Variants in UTP6 observed in about 807,000 individuals in gnomAD.
The protein encoded by UTP6 is U3 small nucleolar RNA-associated protein 6 homolog.
UTP6 carries 60 observed loss-of-function variants against 96.5 expected under a neutral mutation model. That is an observed-to-expected ratio of 0.62 (90% CI 0.51 to 0.77). The LOEUF is 0.77. Among genes scored for constraint, UTP6 ranks in the 30% least tolerant of loss-of-function variants. The pLI is 0.00. For missense variants in UTP6, 637 were observed against 706.5 expected (o/e 0.90, Z 1.12); for synonymous variants, 215 against 240.1 (o/e 0.90, Z 0.96).
At chr17:31,896,158 A>C (rs1483464222) in intron 2 of UTP6, among the ~76,000 whole-genome samples, 1 of 151,546 alleles carries the variant, frequency 6.6e-6, no homozygotes, top group African/African-American at 2.4e-5. Context: ...GCTCACTGCA[A>C]CCTCCGCCTC....
chr17:31,883,998 A>T (rs926846903), intron 10 of UTP6, among the ~76,000 whole-genome samples: 8 of 101,608 alleles, frequency 7.9e-5, no homozygotes, highest in Non-Finnish European at 5.6e-5. Flanking sequence ...GTAATATGAT[A>T]TTAATTTTTT....
intron 4 of UTP6, among the ~76,000 whole-genome samples, chr17:31,893,430 CAAAA>C (rs1295621293): frequency 2.0e-5 from 1 of 50,608 alleles, no homozygotes; most frequent in East Asian, 6.1e-4. Flanking sequence ...GACTCCACCT[CAAAA>C]AAAAAAAAAA....
chr17:31,875,497 G>A, intron 13 of UTP6, 84 bp from the exon 14 acceptor site: 2 of 1,466,136 alleles, frequency 1.4e-6, no homozygotes, highest in South Asian at 1.3e-5. Context: ...CTCATTTGAG[G>A]CAAGAATTTC....
intron 11 of UTP6, among the ~76,000 whole-genome samples, chr17:31,879,663 T>C (rs911062834): frequency 1.3e-5 from 2 of 150,872 alleles, no homozygotes; most frequent in Non-Finnish European, 3.0e-5. Flanking sequence ...CACAGCAGGA[T>C]CCTGTCTCAA....
chr17:31,884,783 A>T, intron 9 of UTP6: 1 of 305,522 alleles, frequency 3.3e-6, no homozygotes, highest in Non-Finnish European at 6.1e-6. Flanking sequence ...GATTGGTGCA[A>T]TGGCTCACAC....
At chr17:31,892,042 T>G in intron 6 of UTP6, 1 of 540,176 alleles carries the variant, frequency 1.9e-6, no homozygotes, top group Non-Finnish European at 3.3e-6. Context: ...AGAAATACAG[T>G]CCTTCTTGCC....
chr17:31,866,887 CAAAAAAAAAAAA>C (rs56235737), intron 17 of UTP6, among the ~76,000 whole-genome samples: 62 of 43,570 alleles, frequency 1.4e-3, no homozygotes, highest in African/African-American at 5.8e-3. Context: ...ACTCTTGTCT[CAAAAAAAAAAAA>C]AAAAAAAAAA....
At chr17:31,887,356 T>G in intron 7 of UTP6, 43 bp from the exon 8 acceptor site, 1 of 1,582,940 alleles carries the variant, frequency 6.3e-7, no homozygotes, top group Non-Finnish European at 8.7e-7. Context: ...AGATGCTTTT[T>G]AAAATTTTTT....
Position 31,877,508 on chromosome 17 carries a change from C to A in UTP6, c.1125+742G>T, listed in dbSNP as rs140227637. ...GAAGATGAATCATCTAGGCTGGGCA[C>A]AGTGGCTCACGCCTGAAAGACCAAG... On this transcript the variant is annotated intron_variant, in intron 13 of 18. Coordinates refer to ENST00000261708, the MANE Select transcript of UTP6 (RefSeq NM_018428.3). 4.2e-3 allele frequency among the ~76,000 whole-genome samples: 636 copies of A among 152,266 alleles called. 2 individuals carry two copies. The highest frequency in any genetic ancestry group is 0.015 in the African/African-American group (609 of 41,566).
intron 4 of UTP6, among the ~76,000 whole-genome samples, chr17:31,893,599 G>A (rs1399672336): frequency 6.6e-6 from 1 of 150,664 alleles, no homozygotes; most frequent in African/African-American, 2.4e-5. Flanking sequence ...GCGCGGTGGT[G>A]CGTGCCTGAA....
chr17:31,873,566 G>A (rs1309164625), intron 15 of UTP6, 79 bp from the exon 16 acceptor site: 4 of 1,602,912 alleles, frequency 2.5e-6, no homozygotes, highest in African/African-American at 1.3e-5. Flanking sequence ...AGAACCACCT[G>A]AGGCCACTCC....
intron 16 of UTP6, among the ~76,000 whole-genome samples, chr17:31,871,448 T>C (rs1352104133): frequency 6.6e-6 from 1 of 152,018 alleles, no homozygotes; most frequent in Non-Finnish European, 1.5e-5. Flanking sequence ...TAATAAATGA[T>C]GTTTATAAAG....
At chr17:31,899,255 C>T (rs1047952181) in intron 2 of UTP6, among the ~76,000 whole-genome samples, 3 of 152,120 alleles carry the variant, frequency 2.0e-5, no homozygotes, top group African/African-American at 4.8e-5. Flanking sequence ...CATGATGGCA[C>T]CACTGCACTT....
At chr17:31,892,018 G>A (rs571366359) in intron 6 of UTP6, 298 of 473,592 alleles carry the variant, frequency 6.3e-4, no homozygotes, top group South Asian at 3.0e-4. Flanking sequence ...GCGAGACTCC[G>A]TCTCAAAAAA....
intron 16 of UTP6, among the ~76,000 whole-genome samples, chr17:31,868,442 G>A (rs1234741859): frequency 7.0e-6 from 1 of 143,102 alleles, no homozygotes; most frequent in Non-Finnish European, 1.5e-5. Context: ...CAATCCTCCT[G>A]CCTTAGCCTG....
At chr17:31,891,819 G>A (rs756488100) in intron 6 of UTP6, among the ~76,000 whole-genome samples, 89 of 152,216 alleles carry the variant, frequency 5.8e-4, no homozygotes, top group Non-Finnish European at 7.6e-4. Context: ...TCAGGGGTTC[G>A]AGAGACCAGC....
rs749686967 is a variant in UTP6, at chr17:31,886,017, T to C, written c.666A>G (p.Ala222=). 4 of 1,613,924 alleles carry C rather than the reference T, an allele frequency of 2.5e-6. No individual in the cohort carries two copies. Among genetic ancestry groups the C allele is most frequent in the Middle Eastern group, 1.6e-4 (1 of 6,062 alleles). The change falls in exon 9 of 19, where the codon GCA becomes GCG. Residue 222 remains alanine, a synonymous_variant. Transcript: ENST00000261708. ...TTACAGAATTTTTGTAGATGATCCA[T>C]GCCAACTCGCCCTTAAGGATTTCTT... ...YSEEILKGEL[A]WIIYKNSVSI...
intron 7 of UTP6, chr17:31,887,893 G>A (rs1298289153): frequency 2.1e-5 from 3 of 145,654 alleles, no homozygotes; most frequent in African/African-American, 7.7e-5. Context: ...CCCCGGGCGT[G>A]GAGGTTGCAG....
At chr17:31,870,341 C>A (rs1483254672) in intron 16 of UTP6, among the ~76,000 whole-genome samples, 1 of 152,032 alleles carries the variant, frequency 6.6e-6, no homozygotes, top group Non-Finnish European at 1.5e-5. Flanking sequence ...AATTTTATGA[C>A]TTTTTAATAG....
Sources: allele counts gnomAD v4.1 joint callset (sites outside exome capture counted in the v4.1 genomes callset), GRCh38; gene constraint gnomAD v4.1.1; transcripts MANE v1.5; gene names NCBI Gene and HGNC (gene_info 2026-07-23, HGNC 2026-07-21).